C11orf65: variants seen among roughly 807,000 people sequenced by gnomAD.
C11orf65 encodes protein MFI.
Under a neutral mutation model 35.3 loss-of-function variants are expected in C11orf65, and 38 were observed. That is an observed-to-expected ratio of 1.08 (90% CI 0.83 to 1.41). The LOEUF (loss-of-function observed/expected upper bound fraction) is 1.41. Among genes scored for constraint, C11orf65 ranks in the 40% most tolerant of loss-of-function variants. C11orf65 has a pLI of 0.00. For missense variants in C11orf65, 370 were observed against 367.1 expected (o/e 1.01, Z -0.06); for synonymous variants, 105 against 114.4 (o/e 0.92, Z 0.53).
intron 6 of C11orf65, chr11:108,326,025 A>G: frequency 6.2e-7 from 1 of 1,607,946 alleles, no homozygotes; most frequent in Non-Finnish European, 8.5e-7. Context: ...CAGTAGTAAA[A>G]GTATTTATTC....
intron 2 of C11orf65, chr11:108,340,504 A>G (rs754301111): frequency 2.4e-4 from 36 of 152,200 alleles, no homozygotes; most frequent in Non-Finnish European, 4.1e-4. Context: ...AGTCTTGTCT[A>G]TTCCATCAGC....
At position 108,407,997 on chromosome 11, in the gene C11orf65, T is replaced by TTA. The variant is rs2092578247; in HGVS notation, c.175-849_175-848insTA. Among the ~76,000 whole-genome samples, 3 of 139,570 alleles carry TTA rather than the reference T, an allele frequency of 2.1e-5. No individual in the cohort carries two copies. In the East Asian group the frequency reaches 6.2e-4, roughly 29 times the overall value. The allele number at this position is 139,570 out of a possible 152,430, so 91.6% of individuals were successfully genotyped here. The stretch of plus-strand genomic sequence containing the variant: ...TTATGAGCTAAGGACTTAATTTCTT[T>TTA]TTATTATTATTATTATTATTATTAT... On this transcript the variant is annotated intron_variant, in intron 3 of 8. Transcript: ENST00000393084.
intron 6 of C11orf65, among the ~76,000 whole-genome samples, chr11:108,395,778 G>A (rs778462169): frequency 2.5e-4 from 38 of 151,190 alleles, no homozygotes; most frequent in Non-Finnish European, 4.3e-4. Context: ...CTGCCACCAC[G>A]CCTGGCTAAT....
chr11:108,411,666 A>G (rs922578042), intron 3 of C11orf65, among the ~76,000 whole-genome samples: 1 of 152,088 alleles, frequency 6.6e-6, no homozygotes, highest in African/African-American at 2.4e-5. Flanking sequence ...CAGAATTTTT[A>G]TATTTTTCTA....
intron 3 of C11orf65, among the ~76,000 whole-genome samples, chr11:108,422,633 C>T (rs1162587172): frequency 6.6e-6 from 1 of 152,150 alleles, no homozygotes; most frequent in Non-Finnish European, 1.5e-5. Flanking sequence ...CCTGTAATCC[C>T]AGCACTTTGG....
At chr11:108,426,901 A>G (rs142367269) in intron 3 of C11orf65, among the ~76,000 whole-genome samples, 1 of 152,216 alleles carries the variant, frequency 6.6e-6, no homozygotes, top group East Asian at 1.9e-4. Context: ...ACACTATCTC[A>G]TTTTTCACAA....
downstream of C11orf65, chr11:108,327,486 TA>T: frequency 1.6e-6 from 1 of 607,814 alleles, no homozygotes; most frequent in Admixed American, 2.6e-5. Context: ...ATGGGATTAT[TA>T]AAATAGTTGT....
At position 108,393,212 on chromosome 11, in the gene C11orf65, C is replaced by G; in HGVS notation, c.727G>C (p.Asp243His). Residue 243 changes from aspartate (D) to histidine (H), a missense_variant, in exon 7 of 9, where the codon GAT becomes CAT. Coordinates refer to ENST00000393084, the MANE Select transcript of C11orf65 (RefSeq NM_152587.5). ...VLNWTNTLNF[D>H]EYIASWKEIA... ...AGAATAGCAACATGTACTTACTCAT[C>G]AAAGTTCAGTGTATTTGTCCAGTTC... The G allele has an allele frequency of 6.8e-6, 11 of 1,613,606 alleles. No homozygotes were observed. Among genetic ancestry groups the G allele is most frequent in the Non-Finnish European group, 9.3e-6 (11 of 1,179,734 alleles).
chr11:108,444,338 C>G (rs950366614), intron 2 of C11orf65, among the ~76,000 whole-genome samples: 17 of 151,476 alleles, frequency 1.1e-4, no homozygotes, highest in Non-Finnish European at 2.4e-4. Context: ...GCCTACCAAC[C>G]AAAAAAAAGT....
At chr11:108,431,939 T>C (rs759984599) in intron 2 of C11orf65, 101 bp from the exon 3 acceptor site, 21 of 575,098 alleles carry the variant, frequency 3.7e-5, no homozygotes, top group African/African-American at 1.1e-4. Flanking sequence ...TACCATAAAA[T>C]AGATTTTTAT....
chr11:108,357,537 A>G (rs1365029672), intron 2 of C11orf65, among the ~76,000 whole-genome samples: 2 of 152,238 alleles, frequency 1.3e-5, no homozygotes, highest in Non-Finnish European at 2.9e-5. Context: ...GCAGACTTAA[A>G]TGTCCCTGTC....
At position 108,405,473 on chromosome 11, in the gene C11orf65, C is replaced by T. The variant is rs1315090124; in HGVS notation, c.516G>A (p.Leu172=). ...HFSKLKRRQD[L]EKKRKLRKIE... ...TTTTTCTAAGTTTTCTTTTCTTTTC[C>T]AAATCTTGCCTTCTCTTCAGTTTAG... The change falls in exon 6 of 9, where the codon TTG becomes TTA. Residue 172 remains leucine (L), a synonymous_variant. Transcript: ENST00000393084. 11 of 1,613,028 alleles carry T rather than the reference C, an allele frequency of 6.8e-6. No homozygotes were observed.
At chr11:108,437,445 C>A (rs2093078022) in intron 2 of C11orf65, among the ~76,000 whole-genome samples, 1 of 151,968 alleles carries the variant, frequency 6.6e-6, no homozygotes, top group African/African-American at 2.4e-5. Flanking sequence ...GTGGCTCACG[C>A]CTGTAATCCC....
intron 6 of C11orf65, among the ~76,000 whole-genome samples, chr11:108,395,922 A>G (rs1423974679): frequency 6.6e-6 from 1 of 151,624 alleles, no homozygotes. Context: ...CGCCCAGCCA[A>G]AATTTTTTAA....
Position 108,383,123 on chromosome 11 carries a change from T to C in C11orf65, c.840A>G (p.Ile280Met), listed in dbSNP as rs373830557. ...QKNIYNYGGD[I>M]SKMQMGIPDD... is the part of the protein sequence containing the mutation. Reference sequence around the variant, plus strand: ...CTGGTATTCCCATTTGCATCTTTGATATGTCTCCTCCATAGTTATATATGT... The same window carrying C: ...CTGGTATTCCCATTTGCATCTTTGACATGTCTCCTCCATAGTTATATATGT... Residue 280 changes from isoleucine (I) to methionine (M), a missense_variant, in exon 9 of 9, where the codon ATA becomes ATG. Physicochemically the swap from Ile to Met is conservative, Grantham distance 10. Transcript: ENST00000393084. The C allele has an allele frequency of 1.4e-4, 220 of 1,612,196 alleles. No individual in the cohort carries two copies. The highest frequency in any genetic ancestry group is 6.6e-4 in the Middle Eastern group (4 of 6,074).
In C11orf65 at chr11:108,438,541, A is replaced by G. The variant is rs1186375419; in HGVS notation, c.82-6703T>C. Among the ~76,000 whole-genome samples, 4 of 148,056 alleles carry G rather than the reference A, an allele frequency of 2.7e-5. No individual in the cohort carries two copies. The South Asian group carries it at 8.4e-4, about 31-fold the overall frequency. On this transcript the variant is annotated intron_variant, in intron 2 of 8. Transcript: ENST00000393084. ...ACTCCAGCTTGGGCAACAAAGCAAG[A>G]TTTCGTCTGGAAAAAAAAAAAATCA...
intron 2 of C11orf65, among the ~76,000 whole-genome samples, chr11:108,372,750 C>CA (rs2091606533): frequency 2.0e-5 from 3 of 152,074 alleles, no homozygotes; most frequent in African/African-American, 7.2e-5. Context: ...ATTAGAATAA[C>CA]CCATTTTATG....
intron 6 of C11orf65, chr11:108,326,341 A>C: frequency 7.4e-7 from 1 of 1,345,162 alleles, no homozygotes. Context: ...GTAATTTATT[A>C]ACAAGATATT....
chr11:108,341,072 G>C (rs781308476), intron 2 of C11orf65, among the ~76,000 whole-genome samples: 2 of 151,968 alleles, frequency 1.3e-5, no homozygotes, highest in Non-Finnish European at 1.5e-5. Context: ...TAAGTTAAGT[G>C]ATCTGCCTCT....
Sources: gnomAD v4.1 joint callset for allele counts (sites outside exome capture counted in the v4.1 genomes callset) on GRCh38, gnomAD v4.1.1 for gene constraint, MANE v1.5 for transcripts, NCBI Gene and HGNC (gene_info 2026-07-23, HGNC 2026-07-21) for gene names.